BTBD9: variants seen among roughly 807,000 people sequenced by gnomAD.
The protein encoded by BTBD9 is BTB domain containing 9, also known as BTB/POZ domain-containing protein 9.
BTBD9 carries 49 observed loss-of-function variants against 64.3 expected under a neutral mutation model. The observed-to-expected ratio is 0.76, with a 90% confidence interval of 0.61 to 0.97. The LOEUF (loss-of-function observed/expected upper bound fraction) is 0.97, where lower values mean the gene tolerates loss of function less well. Among genes scored for constraint, BTBD9 ranks in the 50% least tolerant of loss-of-function variants. The probability of loss-of-function intolerance (pLI) is 0.00; values close to 1 mark genes in which losing one functional copy is unlikely to be tolerated. For missense variants in BTBD9, 598 were observed against 762.1 expected, an observed-to-expected ratio of 0.78 and a Z score of 2.53; for synonymous variants, 260 against 274.7, an observed-to-expected ratio of 0.95 and a Z score of 0.53.
Position 38,288,474 on chromosome 6 carries a change from AAACAAGATTTGGCATCAGGAT to A in BTBD9, c.1265-34_1265-14del, listed in dbSNP as rs1480124972. On this transcript the variant is annotated splice_polypyrimidine_tract_variant and intron_variant, in intron 7 of 10. Coordinates refer to ENST00000481247, the MANE Select transcript of BTBD9 (RefSeq NM_001099272.2). ...TTCTCCATGGGAACTGTGAATCCAA[AAACAAGATTTGGCATCAGGAT>A]AAGAGAAGCCAAATATATCTCTATA... 6.2e-7 allele frequency: 1 copy of A among 1,613,078 alleles called. No individual in the cohort carries two copies. The highest frequency in any genetic ancestry group is 8.5e-7 in the Non-Finnish European group (1 of 1,179,348).
intron 6 of BTBD9, among the ~76,000 whole-genome samples, chr6:38,504,981 C>T (rs897928430): frequency 6.6e-6 from 1 of 152,202 alleles, no homozygotes; most frequent in African/African-American, 2.4e-5. Flanking sequence ...ATGCCAAATT[C>T]ATAGACACTT....
chr6:38,527,972 G>A (rs913773273), intron 6 of BTBD9, among the ~76,000 whole-genome samples: 1 of 152,058 alleles, frequency 6.6e-6, no homozygotes, highest in Admixed American at 6.5e-5. Flanking sequence ...AGTCAGGTAA[G>A]TGATCATAAT....
intron 6 of BTBD9, among the ~76,000 whole-genome samples, chr6:38,554,357 GAATGAAC>G (rs1774931241): frequency 6.6e-6 from 1 of 152,132 alleles, no homozygotes; most frequent in Non-Finnish European, 1.5e-5. Context: ...CCTCTCAGAG[GAATGAAC>G]TTTTCCAATA....
chr6:38,182,352 A>G (rs1244121553), intron 10 of BTBD9, among the ~76,000 whole-genome samples: 1 of 151,976 alleles, frequency 6.6e-6, no homozygotes, highest in Non-Finnish European at 1.5e-5. Flanking sequence ...CCAGGGAGAG[A>G]GTTACTTTCT....
intron 8 of BTBD9, among the ~76,000 whole-genome samples, chr6:38,268,605 A>C (rs1281955211): frequency 1.3e-5 from 2 of 152,166 alleles, no homozygotes; most frequent in Non-Finnish European, 2.9e-5. Flanking sequence ...GTCTCTCTTA[A>C]CACAACCAGT....
intron 6 of BTBD9, among the ~76,000 whole-genome samples, chr6:38,475,235 G>A (rs1192951424): frequency 6.6e-6 from 1 of 152,048 alleles, no homozygotes; most frequent in African/African-American, 2.4e-5. Flanking sequence ...TAAGATTATG[G>A]GTGATTTTTA....
chr6:38,584,817 C>A (rs535375431), intron 4 of BTBD9, among the ~76,000 whole-genome samples: 36 of 152,244 alleles, frequency 2.4e-4, no homozygotes, highest in African/African-American at 7.5e-4. Context: ...CTTAACTTTA[C>A]CTCCCCCTTT....
At chr6:38,605,583 C>T (rs1303469373) in intron 1 of BTBD9, among the ~76,000 whole-genome samples, 1 of 152,134 alleles carries the variant, frequency 6.6e-6, no homozygotes, top group Non-Finnish European at 1.5e-5. Context: ...TTCTCTCTCA[C>T]AAAATGACAA....
In BTBD9 at chr6:38,288,115, T is replaced by C. The variant is rs184525526; in HGVS notation, c.1454+157A>G. Among the ~76,000 whole-genome samples the C allele has an allele frequency of 6.6e-5, 10 of 152,286 alleles. No homozygotes were observed. The East Asian group carries it at 1.9e-3, about 29-fold the overall frequency. On this transcript the variant is annotated intron_variant, in intron 8 of 10. Transcript: ENST00000481247. ...CAAACAAGCACGCTATATCTCGTTG[T>C]TGTCCCTTCCTTCGGCTCCCACTCC...
intron 6 of BTBD9, among the ~76,000 whole-genome samples, chr6:38,362,103 G>A (rs1764986156): frequency 6.6e-6 from 1 of 152,152 alleles, no homozygotes; most frequent in African/African-American, 2.4e-5. Flanking sequence ...TACTCACATG[G>A]ATTCTGTTCC....
chr6:38,294,903 G>A (rs1048146415), intron 7 of BTBD9, among the ~76,000 whole-genome samples: 4 of 150,618 alleles, frequency 2.7e-5, no homozygotes, highest in Non-Finnish European at 5.9e-5. Context: ...ATGTCAGACA[G>A]GTAAGTGTGA....
intron 7 of BTBD9, among the ~76,000 whole-genome samples, chr6:38,296,694 T>C (rs977644257): frequency 6.6e-6 from 1 of 152,220 alleles, no homozygotes; most frequent in African/African-American, 2.4e-5. Context: ...TTGTCTGATA[T>C]ACAGTATTTT....
At chr6:38,375,934 A>AGAAAGAAAGAAAGAAAGAAG (rs1554143846) in intron 6 of BTBD9, among the ~76,000 whole-genome samples, 58 of 115,654 alleles carry the variant, frequency 5.0e-4, no homozygotes, top group East Asian at 1.1e-3. Context: ...AAAGAAAGAA[A>AGAAAGAAAGAAAGAAAGAAG]GAAAGAAGGA....
chr6:38,169,215 T>C lies in BTBD9; in HGVS notation c.*5770A>G, dbSNP rs1164544369. On this transcript the variant is annotated 3_prime_UTR_variant, in exon 11 of 11. Coordinates refer to ENST00000481247, the MANE Select transcript of BTBD9 (RefSeq NM_001099272.2). The stretch of plus-strand genomic sequence containing the variant: ...GGCCTCCAGCAGGTCTCAGAATGAC[T>C]CCTGTAGTGGCTAGGACTAGGGCAC... 6.6e-6 allele frequency: 1 copy of C among 152,272 alleles called. No individual in the cohort carries two copies. The allele number at this position is 152,272 out of a possible 1,614,324, so 9.4% of individuals were successfully genotyped here. A position where few individuals can be genotyped will look rare whatever the true frequency, so the allele number is the denominator to read the frequency against.
chr6:38,469,321 CCTTTTTTTTTTTTTTTT>C (rs1770530730), intron 6 of BTBD9, among the ~76,000 whole-genome samples: 1 of 127,140 alleles, frequency 7.9e-6, no homozygotes, highest in African/African-American at 2.7e-5. Context: ...TTTTTTTTTT[CCTTTTTTTTTTTTTTTT>C]GAGACAGTCT....
intron 6 of BTBD9, among the ~76,000 whole-genome samples, chr6:38,413,112 C>T (rs1477651062): frequency 1.7e-4 from 25 of 151,200 alleles, no homozygotes; most frequent in Admixed American, 1.5e-3. Context: ...CCATCCTTTC[C>T]TTCTTTCCTT....
At chr6:38,613,445 A>T (rs1290445625) in intron 1 of BTBD9, among the ~76,000 whole-genome samples, 1 of 152,156 alleles carries the variant, frequency 6.6e-6, no homozygotes, top group Non-Finnish European at 1.5e-5. Context: ...AACATGGTGA[A>T]ACCCCGTCTC....
chr6:38,430,864 A>T, intron 6 of BTBD9, among the ~76,000 whole-genome samples: 1 of 151,910 alleles, frequency 6.6e-6, no homozygotes, highest in East Asian at 1.9e-4. Flanking sequence ...GCTGCTATCA[A>T]TTAATCCTGT....
intron 1 of BTBD9, 29 bp downstream of exon 1, chr6:38,639,771 A>C (rs1778665816): frequency 1.4e-5 from 2 of 139,136 alleles, no homozygotes; most frequent in Non-Finnish European, 1.6e-5. Flanking sequence ...GCCAGGCCCC[A>C]CCTCCCCTGC....
Sources: gnomAD v4.1 joint callset for allele counts (sites outside exome capture counted in the v4.1 genomes callset) on GRCh38, gnomAD v4.1.1 for gene constraint, MANE v1.5 for transcripts, NCBI Gene and HGNC (gene_info 2026-07-23, HGNC 2026-07-21) for gene names.